The following LDLRAD4 variants were observed in gnomAD, a reference collection of about 807,000 sequenced individuals.
The protein encoded by LDLRAD4 is low density lipoprotein receptor class A domain containing 4.
A neutral mutation model predicts 17.0 loss-of-function variants in LDLRAD4; 5 were observed. The observed-to-expected ratio is 0.29, with a 90% CI of 0.15 to 0.62. LDLRAD4 has a LOEUF of 0.62. Ranked by LOEUF, LDLRAD4 falls within the 20% of genes least tolerant of loss-of-function variation. LDLRAD4 has a pLI of 0.84. For missense variants in LDLRAD4, 340 were observed against 424.7 expected, an observed-to-expected ratio of 0.80 and a Z score of 1.75; for synonymous variants, 168 against 171.8, an observed-to-expected ratio of 0.98 and a Z score of 0.17.
At chr18:13,558,199 G>T (rs2094504288) in intron 3 of LDLRAD4, among the ~76,000 whole-genome samples, 1 of 152,234 alleles carries the variant, frequency 6.6e-6, no homozygotes, top group Non-Finnish European at 1.5e-5. Flanking sequence ...GGTGAATATT[G>T]AGTGGGACTG....
chr18:13,612,059 G>A, intron 3 of LDLRAD4: 13 of 985,554 alleles, frequency 1.3e-5, no homozygotes, highest in Non-Finnish European at 1.6e-5. Flanking sequence ...CGCGTGTCCT[G>A]CCTTGGTAAG....
intron 1 of LDLRAD4, among the ~76,000 whole-genome samples, chr18:13,243,929 C>T (rs972858040): frequency 7.6e-6 from 1 of 132,400 alleles, no homozygotes; most frequent in African/African-American, 2.8e-5. Context: ...GCACCCATTT[C>T]TCTATCCATC....
chr18:13,503,823 CAAAAG>C (rs1465116660), intron 3 of LDLRAD4, among the ~76,000 whole-genome samples: 4 of 151,202 alleles, frequency 2.6e-5, no homozygotes, highest in African/African-American at 7.3e-5. Flanking sequence ...AAAAATGACT[CAAAAG>C]AAATAATTAT....
At chr18:13,631,296 A>T (rs1471920647) in intron 4 of LDLRAD4, among the ~76,000 whole-genome samples, 4 of 152,272 alleles carry the variant, frequency 2.6e-5, no homozygotes, top group African/African-American at 7.2e-5. Context: ...GAAACAGCCT[A>T]CCAAGACTGA....
chr18:13,643,610 C>T (rs542697527), intron 5 of LDLRAD4, among the ~76,000 whole-genome samples, 198 bp downstream of exon 6: 55 of 152,358 alleles, frequency 3.6e-4, no homozygotes, highest in African/African-American at 1.3e-3. Flanking sequence ...ATTATTCCTG[C>T]TAGTCTAAAG....
rs979874800 is a variant in LDLRAD4 at position 13,497,515 on chromosome 18, C to CT, written c.181+59137dup. 7.3e-5 allele frequency among the ~76,000 whole-genome samples: 11 copies of CT among 149,738 alleles called. 1 individual carries two copies. The South Asian group carries it at 1.9e-3, about 26-fold the overall frequency. The stretch of plus-strand genomic sequence containing the variant: ...CTTGTAGTGTTTTTTTTTTTTCCTT[C>CT]TTTTTTCACATGCCTGCTGTGTCAG... On this transcript the variant is annotated intron_variant, in intron 3 of 5. Transcript: ENST00000359446.
intron 1 of LDLRAD4, among the ~76,000 whole-genome samples, chr18:13,360,539 T>G (rs978976727): frequency 6.6e-6 from 1 of 152,282 alleles, no homozygotes; most frequent in Non-Finnish European, 1.5e-5. Flanking sequence ...TTTAGGTCAA[T>G]GGAATTTCCA....
At chr18:13,363,714 T>TA in intron 1 of LDLRAD4, among the ~76,000 whole-genome samples, 1 of 152,144 alleles carries the variant, frequency 6.6e-6, no homozygotes, top group East Asian at 1.9e-4. Flanking sequence ...TCAGGAGGAG[T>TA]AATGTAATAA....
intron 3 of LDLRAD4, among the ~76,000 whole-genome samples, chr18:13,578,825 G>GTTTTT (rs1286958694): frequency 2.2e-4 from 11 of 49,878 alleles, no homozygotes; most frequent in Non-Finnish European, 3.2e-4. Flanking sequence ...AGTTGTCCGG[G>GTTTTT]TCTTTTTTTT....
In LDLRAD4 at chr18:13,398,418, G is replaced by A. The variant is rs573538622; in HGVS notation, c.40+10656G>A. ...GAAAAAATGGGGCATTTTATGTTAC[G>A]TACATTTTACCACAGTGAACATAAA... On this transcript the variant is annotated intron_variant, in intron 2 of 5. Coordinates refer to ENST00000359446, the Ensembl canonical transcript of LDLRAD4. The surrounding 1 kb of genome is among the most constrained non-coding windows in gnomAD (Gnocchi z 4.8). Among the ~76,000 whole-genome samples the A allele has an allele frequency of 1.1e-4, 17 of 152,094 alleles. No homozygotes were observed. Among genetic ancestry groups the A allele is most frequent in the East Asian group, 3.9e-4 (2 of 5,182 alleles).
intron 1 of LDLRAD4, among the ~76,000 whole-genome samples, chr18:13,236,108 C>T (rs886991003): frequency 6.6e-6 from 1 of 152,012 alleles, no homozygotes; most frequent in Non-Finnish European, 1.5e-5. Flanking sequence ...TTTGGAAGCG[C>T]GGTGGAGTTG....
At chr18:13,241,440 A>G (rs1266605869) in intron 1 of LDLRAD4, 1 of 152,240 alleles carries the variant, frequency 6.6e-6, no homozygotes, top group East Asian at 1.9e-4. Context: ...TACTCTGTAC[A>G]CAATGTCTTG....
chr18:13,353,087 G>A (rs966322345), intron 1 of LDLRAD4, among the ~76,000 whole-genome samples: 3 of 152,036 alleles, frequency 2.0e-5, no homozygotes, highest in African/African-American at 4.8e-5. Flanking sequence ...TCTTTGTCTA[G>A]TATATCCAGT....
chr18:13,424,062 G>C (rs1178389984), intron 2 of LDLRAD4, among the ~76,000 whole-genome samples: 1 of 151,758 alleles, frequency 6.6e-6, no homozygotes, highest in African/African-American at 2.4e-5. Context: ...TTGAACCTGG[G>C]AGGTAGAGGT....
chr18:13,623,756 T>C lies in LDLRAD4; in HGVS notation c.336+2485T>C, dbSNP rs561278269. On this transcript the variant is annotated intron_variant, in intron 4 of 5. Transcript: ENST00000359446. ...TCAGGCCTTGCTAATACTATGGGTG[T>C]GGCCATGCTATCCATTTCCCTCTCT... 2.0e-5 allele frequency among the ~76,000 whole-genome samples: 3 copies of C among 152,338 alleles called. No individual in the cohort carries two copies. The South Asian group carries it at 6.2e-4, about 32-fold the overall frequency.
In LDLRAD4 at chr18:13,556,792, C is replaced by T. The variant is rs559184172; in HGVS notation, c.182-64325C>T. ...TCATATCAAGGGTATGTAGTTTAAACGTGATTTATAACTGCTGATGGTGAC... is the reference window on the plus strand; with the variant it reads ...TCATATCAAGGGTATGTAGTTTAAATGTGATTTATAACTGCTGATGGTGAC... On this transcript the variant is annotated intron_variant, in intron 3 of 5. Coordinates refer to ENST00000359446, the Ensembl canonical transcript of LDLRAD4. Among the ~76,000 whole-genome samples the T allele has an allele frequency of 2.6e-5, 4 of 152,252 alleles. No individual in the cohort carries two copies. In the South Asian group the frequency reaches 8.3e-4, roughly 32 times the overall value.
intron 2 of LDLRAD4, among the ~76,000 whole-genome samples, chr18:13,421,753 C>T (rs1023426876): frequency 2.6e-5 from 4 of 152,176 alleles, no homozygotes; most frequent in South Asian, 4.1e-4. Flanking sequence ...TAAAAGATAC[C>T]GTGGACACTT....
intron 3 of LDLRAD4, among the ~76,000 whole-genome samples, chr18:13,594,780 G>A (rs544201947): frequency 2.0e-5 from 3 of 150,602 alleles, no homozygotes; most frequent in Non-Finnish European, 4.4e-5. Context: ...TCTCCAAAAA[G>A]AAGTTGTCTG....
intron 3 of LDLRAD4, among the ~76,000 whole-genome samples, chr18:13,595,487 C>A (rs1018028190): frequency 2.0e-5 from 3 of 151,808 alleles, no homozygotes; most frequent in African/African-American, 7.3e-5. Context: ...CATCTTTGAC[C>A]CATGGGTTGT....
Sources: allele counts gnomAD v4.1 joint callset (sites outside exome capture counted in the v4.1 genomes callset), GRCh38; gene constraint gnomAD v4.1.1; non-coding constraint Gnocchi (gnomAD v3.1); transcripts MANE v1.5; gene names NCBI Gene and HGNC (gene_info 2026-07-23, HGNC 2026-07-21).